Variants in LRRTM4 observed in about 807,000 individuals in gnomAD.
LRRTM4 encodes the protein leucine rich repeat transmembrane neuronal 4, also known as leucine-rich repeat transmembrane neuronal protein 4.
Under a neutral mutation model 47.6 loss-of-function variants are expected in LRRTM4, and 25 were observed. The ratio of observed to expected loss-of-function variants is 0.53; its 90% confidence interval spans 0.38 to 0.73. LRRTM4 has a LOEUF of 0.73. Among genes scored for constraint, LRRTM4 ranks in the 30% least tolerant of loss-of-function variants. The pLI, the probability that LRRTM4 is intolerant of heterozygous loss-of-function variation, is 0.00. For missense variants in LRRTM4, 638 were observed against 713.4 expected (o/e 0.89, Z 1.20); for synonymous variants, 311 against 269.5 (o/e 1.15, Z -1.51).
intron 3 of LRRTM4, among the ~76,000 whole-genome samples, chr2:76,764,562 C>A (rs994530285): frequency 6.6e-6 from 1 of 152,086 alleles, no homozygotes; most frequent in Admixed American, 6.5e-5. Context: ...ACCCGGGAGG[C>A]GGAGCTTGCA....
At chr2:77,513,122 CAT>C (rs1679082142) in intron 3 of LRRTM4, among the ~76,000 whole-genome samples, 1 of 152,136 alleles carries the variant, frequency 6.6e-6, no homozygotes, top group South Asian at 2.1e-4. Flanking sequence ...ATTTCAAAGA[CAT>C]ATACGTGTGT....
At chr2:77,063,140 A>T (rs999462203) in intron 3 of LRRTM4, among the ~76,000 whole-genome samples, 1 of 143,188 alleles carries the variant, frequency 7.0e-6, no homozygotes, top group African/African-American at 2.9e-5. Context: ...TTTTTTTTTT[A>T]GGAGAGACAG....
At chr2:76,958,184 C>A (rs1675738274) in intron 3 of LRRTM4, among the ~76,000 whole-genome samples, 1 of 151,758 alleles carries the variant, frequency 6.6e-6, no homozygotes, top group South Asian at 2.1e-4. Context: ...TAACCTCTTG[C>A]ACTCAGTGGC....
At chr2:76,948,026 C>A (rs1477956204) in intron 3 of LRRTM4, among the ~76,000 whole-genome samples, 2 of 151,792 alleles carry the variant, frequency 1.3e-5, no homozygotes, top group African/African-American at 4.8e-5. Context: ...TTTTGCAGAT[C>A]CTCAAACTAT....
chr2:76,864,142 C>T (rs1031029436), intron 3 of LRRTM4, among the ~76,000 whole-genome samples: 2 of 152,064 alleles, frequency 1.3e-5, no homozygotes, highest in African/African-American at 4.8e-5. Flanking sequence ...AGCCTTTCTC[C>T]AGTATTTTAA....
At chr2:76,955,364 A>C (rs1244496898) in intron 3 of LRRTM4, among the ~76,000 whole-genome samples, 1 of 151,896 alleles carries the variant, frequency 6.6e-6, no homozygotes, top group Admixed American at 6.6e-5. Flanking sequence ...GTGTTTTTGT[A>C]TGTGATTCAA....
intron 3 of LRRTM4, among the ~76,000 whole-genome samples, chr2:77,361,297 A>T (rs1672199491): frequency 6.6e-6 from 1 of 151,954 alleles, no homozygotes; most frequent in Non-Finnish European, 1.5e-5. Context: ...TGGTAAAAGA[A>T]AACAAACTCT....
At chr2:76,881,297 T>G (rs1672921557) in intron 3 of LRRTM4, among the ~76,000 whole-genome samples, 1 of 152,132 alleles carries the variant, frequency 6.6e-6, no homozygotes, top group Admixed American at 6.6e-5. Context: ...TGAAATGATT[T>G]TAGACATTCA....
intron 3 of LRRTM4, among the ~76,000 whole-genome samples, chr2:77,305,382 C>G (rs1462824928): frequency 6.6e-6 from 1 of 151,938 alleles, no homozygotes; most frequent in Non-Finnish European, 1.5e-5. Context: ...TTTAAATTCT[C>G]AAAATGTTAA....
intron 3 of LRRTM4, among the ~76,000 whole-genome samples, chr2:77,248,314 G>A (rs1675504238): frequency 6.6e-6 from 1 of 151,736 alleles, no homozygotes; most frequent in East Asian, 1.9e-4. Flanking sequence ...AGTATATTTT[G>A]AAACAATAAA....
At chr2:76,843,377 A>G (rs1671744638) in intron 3 of LRRTM4, among the ~76,000 whole-genome samples, 1 of 152,202 alleles carries the variant, frequency 6.6e-6, no homozygotes, top group South Asian at 2.1e-4. Flanking sequence ...CTTCAGTTAT[A>G]GTCCTAGACT....
intron 3 of LRRTM4, among the ~76,000 whole-genome samples, chr2:76,992,356 A>G (rs1243876649): frequency 6.6e-6 from 1 of 151,790 alleles, no homozygotes; most frequent in Non-Finnish European, 1.5e-5. Context: ...TGTTTTGCTG[A>G]TGATATGATT....
At chr2:76,981,879 TTAGA>T (rs1182591024) in intron 3 of LRRTM4, among the ~76,000 whole-genome samples, 3 of 152,022 alleles carry the variant, frequency 2.0e-5, no homozygotes, top group Non-Finnish European at 4.4e-5. Flanking sequence ...GTTTTAAACA[TTAGA>T]TAAAGAGTAT....
chr2:76,942,665 CCTCTA>C (rs1463275594), intron 3 of LRRTM4, among the ~76,000 whole-genome samples: 3 of 99,868 alleles, frequency 3.0e-5, no homozygotes, highest in African/African-American at 1.7e-4. Flanking sequence ...AAGTAACCAA[CCTCTA>C]GGAATCTGTG....
intron 3 of LRRTM4, among the ~76,000 whole-genome samples, chr2:77,042,744 G>C (rs180716797): frequency 6.6e-6 from 1 of 151,742 alleles, no homozygotes; most frequent in East Asian, 1.9e-4. Context: ...TATTCATCAA[G>C]AGCATTTCCA....
chr2:77,495,362 C>T (rs1394638323), intron 3 of LRRTM4, among the ~76,000 whole-genome samples: 1 of 151,948 alleles, frequency 6.6e-6, no homozygotes, highest in Admixed American at 6.6e-5. Flanking sequence ...ATTTTTATTT[C>T]CTTCACAGTG....
intron 3 of LRRTM4, among the ~76,000 whole-genome samples, chr2:76,933,466 T>C (rs760088213): frequency 6.6e-6 from 1 of 152,070 alleles, no homozygotes; most frequent in Non-Finnish European, 1.5e-5. Flanking sequence ...CTTCCAAAAG[T>C]AATTTCAAAA....
chr2:77,467,854 A>C (rs758287614), intron 3 of LRRTM4, among the ~76,000 whole-genome samples: 53 of 150,344 alleles, frequency 3.5e-4, no homozygotes, highest in Non-Finnish European at 6.5e-4. Context: ...ATAACCAATG[A>C]GTATCAACAC....
chr2:77,464,962 A>G (rs953178470), intron 3 of LRRTM4, among the ~76,000 whole-genome samples: 1 of 152,176 alleles, frequency 6.6e-6, no homozygotes, highest in Non-Finnish European at 1.5e-5. Flanking sequence ...GACATATACT[A>G]CATAAAACCA....
Sources: gnomAD v4.1 joint callset for allele counts (sites outside exome capture counted in the v4.1 genomes callset) on GRCh38, gnomAD v4.1.1 for gene constraint, MANE v1.5 for transcripts, NCBI Gene and HGNC (gene_info 2026-07-23, HGNC 2026-07-21) for gene names.